UBASH3A: variants seen among roughly 807,000 people sequenced by gnomAD.
The protein encoded by UBASH3A is ubiquitin-associated and SH3 domain-containing protein A.
UBASH3A carries 63 observed loss-of-function variants against 73.5 expected under a neutral mutation model. That is an observed-to-expected ratio of 0.86 (90% CI 0.70 to 1.06). UBASH3A has a LOEUF of 1.06. Among genes scored for constraint, UBASH3A ranks in the 50% least tolerant of loss-of-function variants. The pLI, the probability that UBASH3A is intolerant of heterozygous loss-of-function variation, is 0.00. For synonymous variants in UBASH3A, 363 were observed against 351.1 expected, an observed-to-expected ratio of 1.03 and a Z score of -0.38; for missense variants, 860 against 859.0, an observed-to-expected ratio of 1.00 and a Z score of -0.02.
In UBASH3A at chr21:42,447,244, G is replaced by A; in HGVS notation, c.*50G>A. ...CTCAGAGTGGAGAGGCAGAAACCAT[G>A]TGCAGAGGCTGGGAGATGCTGCTGT... On this transcript the variant is annotated 3_prime_UTR_variant, in exon 15 of 15. Transcript: ENST00000319294. 3.2e-6 allele frequency: 5 copies of A among 1,586,266 alleles called. No individual in the cohort carries two copies. Among genetic ancestry groups the A allele is most frequent in the South Asian group, 2.3e-5 (2 of 87,432 alleles).
intron 2 of UBASH3A, 40 bp from the exon 3 acceptor site, chr21:42,409,381 TG>T: frequency 1.3e-6 from 2 of 1,507,704 alleles, no homozygotes; most frequent in Non-Finnish European, 1.8e-6. Context: ...AAACTCTTTT[TG>T]TTGTGACAGT....
intron 14 of UBASH3A, 123 bp downstream of exon 14, chr21:42,444,766 G>T (rs766588422): frequency 7.6e-6 from 6 of 790,814 alleles, no homozygotes; most frequent in Middle Eastern, 2.3e-4. Flanking sequence ...CAGGATCCAC[G>T]TGCCCCCGGA....
chr21:42,436,552 G>A (rs905700251), intron 10 of UBASH3A, among the ~76,000 whole-genome samples: 12 of 152,160 alleles, frequency 7.9e-5, no homozygotes, highest in Admixed American at 2.0e-4. Context: ...ATTGATTGAG[G>A]TGCATACCCT....
intron 8 of UBASH3A, among the ~76,000 whole-genome samples, chr21:42,427,540 C>A (rs1224172583): frequency 6.6e-6 from 1 of 152,208 alleles, no homozygotes; most frequent in Non-Finnish European, 1.5e-5. Flanking sequence ...TTGCTATCCC[C>A]AATCGACACA....
rs1246638165 is a variant in UBASH3A at position 42,404,093 on chromosome 21, G to A, written c.113+35G>A. ...GCCCAGAGACCCCGGGGCCCAGCCA[G>A]TAAGGCTGGTGCCAGACCCTGCTGC... On this transcript the variant is annotated intron_variant, in intron 1 of 14. Transcript: ENST00000319294. 4 of 1,280,374 alleles carry A rather than the reference G, an allele frequency of 3.1e-6. No homozygotes were observed. In the South Asian group the frequency reaches 5.4e-5, roughly 17 times the overall value. 79.3% of individuals were successfully genotyped at this position (1,280,374 alleles called of 1,614,324 possible). A position where few individuals can be genotyped will look rare whatever the true frequency, so the allele number is the denominator to read the frequency against.
intron 9 of UBASH3A, among the ~76,000 whole-genome samples, chr21:42,433,977 G>T (rs1184517709): frequency 6.6e-6 from 1 of 152,102 alleles, no homozygotes; most frequent in Admixed American, 6.5e-5. Flanking sequence ...TAACCAGGAG[G>T]CTTGGGGTCC....
rs1202507422 is a variant in UBASH3A, at chr21:42,447,236, G to C, written c.*42G>C. The C allele has an allele frequency of 1.3e-6, 2 of 1,598,378 alleles. No individual in the cohort carries two copies. Among genetic ancestry groups the C allele is most frequent in the African/African-American group, 2.7e-5 (2 of 74,138 alleles). On this transcript the variant is annotated 3_prime_UTR_variant, in exon 15 of 15. Transcript: ENST00000319294. ...GTCATAACCTCAGAGTGGAGAGGCAGAAACCATGTGCAGAGGCTGGGAGAT... is the reference window on the plus strand; with the variant it reads ...GTCATAACCTCAGAGTGGAGAGGCACAAACCATGTGCAGAGGCTGGGAGAT...
At chr21:42,425,405 G>A (rs943355479) in intron 7 of UBASH3A, among the ~76,000 whole-genome samples, 4 of 152,220 alleles carry the variant, frequency 2.6e-5, no homozygotes, top group African/African-American at 4.8e-5. Context: ...GAGGCTGTGG[G>A]TGCCCTCGCC....
chr21:42,437,690 C>T (rs2053652090), intron 11 of UBASH3A, 110 bp downstream of exon 11: 2 of 961,116 alleles, frequency 2.1e-6, no homozygotes, highest in Non-Finnish European at 3.3e-6. Context: ...AATGAATGCC[C>T]ACACCAAAGT....
At chr21:42,410,009 A>G in intron 3 of UBASH3A, 1 of 694,916 alleles carries the variant, frequency 1.4e-6, no homozygotes. Context: ...CCCAGAAACT[A>G]GCACAGCCCC....
intron 3 of UBASH3A, chr21:42,410,457 T>C (rs2053068120): frequency 2.1e-6 from 1 of 471,270 alleles, no homozygotes; most frequent in Non-Finnish European, 3.7e-6. Context: ...AAAGGAGGAA[T>C]GCAAACCTCT....
In UBASH3A at chr21:42,413,592, T is replaced by A; in HGVS notation, c.667+69T>A. 8.3e-7 allele frequency: 1 copy of A among 1,202,480 alleles called. No individual in the cohort carries two copies. The highest frequency in any genetic ancestry group is 1.2e-6 in the Non-Finnish European group (1 of 837,882). 74.5% of individuals were successfully genotyped at this position (1,202,480 alleles called of 1,614,324 possible). The stretch of plus-strand genomic sequence containing the variant: ...TAGGCGGGAATAGCCTTGTTCTCAT[T>A]ATGTGGTTTTTAAAATGCTTAGCTA... On this transcript the variant is annotated intron_variant, in intron 5 of 14. Coordinates refer to ENST00000319294, the MANE Select transcript of UBASH3A (RefSeq NM_018961.4). The surrounding 1 kb of genome is among the most constrained non-coding windows in gnomAD (Gnocchi z 4.5).
intron 8 of UBASH3A, among the ~76,000 whole-genome samples, chr21:42,427,741 A>C (rs1668658540): frequency 6.6e-6 from 1 of 152,182 alleles, no homozygotes; most frequent in South Asian, 2.1e-4. Flanking sequence ...TATTGTGCCC[A>C]GAGGGTGGGG....
intron 6 of UBASH3A, among the ~76,000 whole-genome samples, chr21:42,417,277 A>G (rs2053230555): frequency 1.3e-5 from 2 of 151,966 alleles, no homozygotes. Context: ...ACAGAAAATT[A>G]GCCGGGCGTG....
chr21:42,413,473 T>G lies in UBASH3A; in HGVS notation c.617T>G (p.Leu206Arg). 2 of 1,614,202 alleles carry G rather than the reference T, an allele frequency of 1.2e-6. No individual in the cohort carries two copies. The highest frequency in any genetic ancestry group is 1.7e-6 in the Non-Finnish European group (2 of 1,180,030). Residue 206 changes from leucine to arginine, a missense_variant, in exon 5 of 15, where the codon CTG becomes CGG. Physicochemically the swap from Leu to Arg is moderately radical, Grantham distance 102. Transcript: ENST00000319294. This position sits in a 1 kb window ranked among gnomAD's most constrained non-coding sequence, Gnocchi z 4.5. ...QVPGHGPNLR[L>R]SNLTRASFVS... is the part of the protein sequence containing the mutation. The stretch of plus-strand genomic sequence containing the variant: ...CCTGGACATGGCCCTAACCTGAGGC[T>G]GAGCAATTTAACTAGAGCCTCCTTC...
At chr21:42,412,636 C>T (rs2146506464) in intron 3 of UBASH3A, among the ~76,000 whole-genome samples, 1 of 152,288 alleles carries the variant, frequency 6.6e-6, no homozygotes, top group South Asian at 2.1e-4. Flanking sequence ...CCTGGGCAGC[C>T]TTGGAGTCTG....
At chr21:42,405,816 T>C (rs1046788555) in intron 1 of UBASH3A, among the ~76,000 whole-genome samples, 1 of 152,066 alleles carries the variant, frequency 6.6e-6, no homozygotes, top group Non-Finnish European at 1.5e-5. Flanking sequence ...AAGGGGACTG[T>C]GTAAGCCGTA....
At position 42,447,312 on chromosome 21, in the gene UBASH3A, C is replaced by A; in HGVS notation, c.*118C>A. 1.8e-6 allele frequency: 2 copies of A among 1,085,982 alleles called. No homozygotes were observed. Among genetic ancestry groups the A allele is most frequent in the Non-Finnish European group, 2.6e-6 (2 of 759,198 alleles). 67.3% of individuals were successfully genotyped at this position (1,085,982 alleles called of 1,614,324 possible). ...TCTCACCCAATGTGATTTGTAGAAG[C>A]ACGAGACGCACTTTTATATCCCGGA... On this transcript the variant is annotated 3_prime_UTR_variant, in exon 15 of 15. Coordinates refer to ENST00000319294, the MANE Select transcript of UBASH3A (RefSeq NM_018961.4).
chr21:42,430,295 G>A (rs2053505744), intron 8 of UBASH3A, among the ~76,000 whole-genome samples: 1 of 152,192 alleles, frequency 6.6e-6, no homozygotes, highest in Non-Finnish European at 1.5e-5. Flanking sequence ...CTGGCCAGGT[G>A]GAAAATGAGT....
Sources: allele counts gnomAD v4.1 joint callset (sites outside exome capture counted in the v4.1 genomes callset), GRCh38; gene constraint gnomAD v4.1.1; non-coding constraint Gnocchi (gnomAD v3.1); transcripts MANE v1.5; gene names NCBI Gene and HGNC (gene_info 2026-07-23, HGNC 2026-07-21).